The following AGBL4 variants were observed in gnomAD, a reference collection of about 807,000 sequenced individuals.
The protein encoded by AGBL4 is AGBL carboxypeptidase 4, also known as cytosolic carboxypeptidase 6.
Under a neutral mutation model 66.4 loss-of-function variants are expected in AGBL4, and 58 were observed. That is an observed-to-expected ratio of 0.87 (90% CI 0.71 to 1.09). The LOEUF (loss-of-function observed/expected upper bound fraction) is 1.09. AGBL4 is among the 50% of genes least tolerant of loss of function. The pLI is 0.00. For missense variants in AGBL4, 579 were observed against 631.0 expected (o/e 0.92, Z 0.88); for synonymous variants, 234 against 222.9 (o/e 1.05, Z -0.44).
Position 48,819,804 on chromosome 1 carries a change from T to C in AGBL4, c.634+47387A>G, listed in dbSNP as rs185574568. Among the ~76,000 whole-genome samples the C allele has an allele frequency of 1.1e-4, 17 of 152,318 alleles. No individual in the cohort carries two copies. The East Asian group carries it at 3.3e-3, about 29-fold the overall frequency. On this transcript the variant is annotated intron_variant, in intron 6 of 13. Transcript: ENST00000371839. The stretch of plus-strand genomic sequence containing the variant: ...TGGTGTTTCTGTTCTCTTTAAAGTG[T>C]TCTTGCCAATAGGTGGTCCAGCTTT...
intron 3 of AGBL4, among the ~76,000 whole-genome samples, chr1:49,494,952 T>G (rs1647403641): frequency 6.6e-6 from 1 of 152,042 alleles, no homozygotes; most frequent in Non-Finnish European, 1.5e-5. Flanking sequence ...TGACTTTTAG[T>G]ACAATTTTAA....
At chr1:49,893,396 A>T (rs962326097) in intron 1 of AGBL4, among the ~76,000 whole-genome samples, 1 of 152,136 alleles carries the variant, frequency 6.6e-6, no homozygotes, top group African/African-American at 2.4e-5. Flanking sequence ...GGCCACAGTA[A>T]AGTAAACCAC....
At chr1:49,879,245 CT>C (rs1252923249) in intron 1 of AGBL4, among the ~76,000 whole-genome samples, 28 of 148,414 alleles carry the variant, frequency 1.9e-4, no homozygotes, top group Non-Finnish European at 3.0e-4. Context: ...GATGCAGTTT[CT>C]TCCTAGTCTC....
At chr1:49,580,159 T>C (rs906756258) in intron 3 of AGBL4, among the ~76,000 whole-genome samples, 1 of 152,236 alleles carries the variant, frequency 6.6e-6, no homozygotes, top group African/African-American at 2.4e-5. Context: ...TCCATTTCTA[T>C]GGAATATCGT....
In AGBL4 at chr1:48,736,231, T is replaced by G; in HGVS notation, c.635-72990A>C. ...TCCCAGCCATTGTGTTTCCACTCAG[T>G]GACCTACCTCTGACGATGCTTAGTT... On this transcript the variant is annotated intron_variant, in intron 6 of 13. Coordinates refer to ENST00000371839, the MANE Select transcript of AGBL4 (RefSeq NM_032785.4). This position sits in a 1 kb window ranked among gnomAD's most constrained non-coding sequence, Gnocchi z 4.0. 6.2e-7 allele frequency: 1 copy of G among 1,612,424 alleles called. No homozygotes were observed. The highest frequency in any genetic ancestry group is 1.1e-5 in the South Asian group (1 of 91,036).
chr1:49,050,466 C>T (rs1436753829), intron 4 of AGBL4, among the ~76,000 whole-genome samples: 3 of 151,944 alleles, frequency 2.0e-5, no homozygotes, highest in Non-Finnish European at 4.4e-5. Flanking sequence ...AGATGAAGTG[C>T]CAAGAACACT....
chr1:49,008,074 A>T (rs1662017816), intron 5 of AGBL4, among the ~76,000 whole-genome samples: 1 of 152,200 alleles, frequency 6.6e-6, no homozygotes, highest in African/African-American at 2.4e-5. Flanking sequence ...TAAAAGACAC[A>T]GACTGGCAAA....
chr1:48,898,224 TA>T (rs1253020066), intron 5 of AGBL4, among the ~76,000 whole-genome samples: 1 of 152,228 alleles, frequency 6.6e-6, no homozygotes, highest in Non-Finnish European at 1.5e-5. Flanking sequence ...ATGGATAGTT[TA>T]AAAATGTTTT....
intron 3 of AGBL4, among the ~76,000 whole-genome samples, chr1:49,454,076 G>C (rs1346325426): frequency 6.6e-6 from 1 of 151,750 alleles, no homozygotes; most frequent in Admixed American, 6.6e-5. Flanking sequence ...CTAAAATGCA[G>C]GTTTCTTGAA....
chr1:49,637,678 G>A (rs916200630), intron 3 of AGBL4, among the ~76,000 whole-genome samples: 1 of 152,044 alleles, frequency 6.6e-6, no homozygotes, highest in Non-Finnish European at 1.5e-5. Context: ...TTAAAAAGTA[G>A]TAGCAGCTCA....
At chr1:49,563,780 T>G (rs189971988) in intron 3 of AGBL4, among the ~76,000 whole-genome samples, 56 of 152,254 alleles carry the variant, frequency 3.7e-4, no homozygotes, top group African/African-American at 1.3e-3. Context: ...CTTTTTTTGT[T>G]GTGTCTTTGC....
intron 3 of AGBL4, among the ~76,000 whole-genome samples, chr1:49,357,348 C>G (rs748160167): frequency 2.0e-5 from 3 of 152,094 alleles, no homozygotes; most frequent in Admixed American, 6.6e-5. Flanking sequence ...TCTGTACATA[C>G]GGAGATGAAT....
At chr1:49,245,407 A>G (rs1651561853) in intron 4 of AGBL4, among the ~76,000 whole-genome samples, 1 of 151,574 alleles carries the variant, frequency 6.6e-6, no homozygotes, top group Admixed American at 6.6e-5. Context: ...AAAAAGAACC[A>G]ACTTTATTTA....
intron 3 of AGBL4, chr1:49,423,135 C>T (rs1189889321): frequency 6.6e-6 from 1 of 152,134 alleles, no homozygotes; most frequent in Admixed American, 6.5e-5. Flanking sequence ...CACATATATC[C>T]TATTAATAGA....
At chr1:48,958,798 C>T (rs1438629603) in intron 5 of AGBL4, among the ~76,000 whole-genome samples, 2 of 152,240 alleles carry the variant, frequency 1.3e-5, no homozygotes, top group Non-Finnish European at 2.9e-5. Flanking sequence ...CACAGAGCCC[C>T]ATGCTTTATG....
intron 9 of AGBL4, among the ~76,000 whole-genome samples, chr1:48,627,608 C>T (rs1645526031): frequency 6.6e-6 from 1 of 151,780 alleles, no homozygotes; most frequent in Non-Finnish European, 1.5e-5. Flanking sequence ...AAAAGCCAGC[C>T]CCGTGTTGCT....
chr1:49,211,541 C>T (rs1648670090), intron 4 of AGBL4, among the ~76,000 whole-genome samples: 1 of 152,060 alleles, frequency 6.6e-6, no homozygotes, highest in South Asian at 2.1e-4. Flanking sequence ...TAAAAAAATA[C>T]CTCAACAAAC....
At chr1:48,694,315 A>G (rs182986175) in intron 6 of AGBL4, among the ~76,000 whole-genome samples, 1 of 152,280 alleles carries the variant, frequency 6.6e-6, no homozygotes, top group Admixed American at 6.5e-5. Context: ...AACTACTGAC[A>G]ATGTTTTAAA....
chr1:49,140,468 T>C (rs1280796486), intron 4 of AGBL4, among the ~76,000 whole-genome samples: 1 of 152,170 alleles, frequency 6.6e-6, no homozygotes, highest in Non-Finnish European at 1.5e-5. Context: ...AACAACCCAA[T>C]CTTTTTAAGA....
Sources: gnomAD v4.1 joint callset for allele counts (sites outside exome capture counted in the v4.1 genomes callset) on GRCh38, gnomAD v4.1.1 for gene constraint, Gnocchi (gnomAD v3.1) non-coding constraint, MANE v1.5 for transcripts, NCBI Gene and HGNC (gene_info 2026-07-23, HGNC 2026-07-21) for gene names.